The following PEAK1 variants were observed in gnomAD, a reference collection of about 807,000 sequenced individuals.
PEAK1 encodes the protein pseudopodium enriched atypical kinase 1, also known as inactive tyrosine-protein kinase PEAK1.
In PEAK1, 54 loss-of-function variants were observed where a neutral mutation model predicts 124.7. The ratio of observed to expected loss-of-function variants is 0.43; its 90% CI spans 0.35 to 0.54. The LOEUF is 0.54. PEAK1 is among the 20% of genes least tolerant of loss of function. The probability of loss-of-function intolerance (pLI) is 0.01; values close to 1 mark genes in which losing one functional copy is unlikely to be tolerated. For synonymous variants in PEAK1, 719 were observed against 760.0 expected (o/e 0.95, Z 0.89); for missense variants, 2,046 against 2,134.5 (o/e 0.96, Z 0.82).
chr15:77,356,532 T>G (rs1454885630), intron 2 of PEAK1, among the ~76,000 whole-genome samples: 2 of 152,214 alleles, frequency 1.3e-5, no homozygotes, highest in African/African-American at 4.8e-5. Context: ...TAGAATATCT[T>G]GCATACGCAT....
chr15:77,395,797 C>T (rs1420678915), intron 1 of PEAK1, among the ~76,000 whole-genome samples: 2 of 152,028 alleles, frequency 1.3e-5, no homozygotes, highest in African/African-American at 2.4e-5. Context: ...CAACAACAGA[C>T]CCCTTCTATG....
chr15:77,254,728 C>T (rs571593297), intron 5 of PEAK1, among the ~76,000 whole-genome samples: 4 of 152,238 alleles, frequency 2.6e-5, no homozygotes, highest in East Asian at 1.9e-4. Context: ...CCACCATGCC[C>T]GCTGACATAC....
intron 6 of PEAK1, among the ~76,000 whole-genome samples, chr15:77,210,512 A>G (rs973543276): frequency 1.3e-5 from 2 of 152,254 alleles, no homozygotes; most frequent in Non-Finnish European, 2.9e-5. Context: ...CTTTTAAACC[A>G]GAAAACTTTT....
intron 6 of PEAK1, among the ~76,000 whole-genome samples, chr15:77,214,916 A>C (rs1158770733): frequency 6.6e-6 from 1 of 152,170 alleles, no homozygotes; most frequent in African/African-American, 2.4e-5. Flanking sequence ...ACTGGGAATT[A>C]CAATTCGACA....
At chr15:77,198,227 T>G (rs1368761853) in intron 6 of PEAK1, among the ~76,000 whole-genome samples, 1 of 152,240 alleles carries the variant, frequency 6.6e-6, no homozygotes, top group Non-Finnish European at 1.5e-5. Flanking sequence ...GGCCATGCGA[T>G]GCTAATCATC....
intron 1 of PEAK1, among the ~76,000 whole-genome samples, chr15:77,383,019 CTTTTTTTTTTT>C (rs752564656): frequency 5.6e-4 from 73 of 130,414 alleles, no homozygotes; most frequent in African/African-American, 2.0e-3. Context: ...TTTGTATCTC[CTTTTTTTTTTT>C]TTTTTTTTTT....
chr15:77,405,632 C>T (rs1409115916), intron 1 of PEAK1, among the ~76,000 whole-genome samples: 2 of 152,078 alleles, frequency 1.3e-5, no homozygotes, highest in African/African-American at 4.8e-5. Flanking sequence ...AAAATCCAGA[C>T]GCTGAAGGCC....
chr15:77,417,430 G>T, intron 1 of PEAK1: 1 of 943,536 alleles, frequency 1.1e-6, no homozygotes, highest in Non-Finnish European at 1.3e-6. Context: ...AAAGGACTAG[G>T]AAGGAGAGTG....
intron 9 of PEAK1, among the ~76,000 whole-genome samples, chr15:77,120,601 C>T (rs776894539): frequency 6.6e-6 from 1 of 152,200 alleles, no homozygotes; most frequent in Non-Finnish European, 1.5e-5. Context: ...CTACCTTCAT[C>T]ACTTGCCTGG....
intron 1 of PEAK1, among the ~76,000 whole-genome samples, chr15:77,366,767 A>T (rs2068270233): frequency 6.6e-6 from 1 of 152,202 alleles, no homozygotes; most frequent in South Asian, 2.1e-4. Context: ...CATGTTGTCC[A>T]CGAAGACTGG....
intron 2 of PEAK1, among the ~76,000 whole-genome samples, chr15:77,364,286 A>G (rs1272148063): frequency 6.6e-6 from 1 of 152,252 alleles, no homozygotes; most frequent in Non-Finnish European, 1.5e-5. Context: ...ATTGAATTTT[A>G]CACTTTAAAT....
At chr15:77,163,266 TA>T (rs1469881751) in intron 7 of PEAK1, among the ~76,000 whole-genome samples, 1 of 152,206 alleles carries the variant, frequency 6.6e-6, no homozygotes, top group Non-Finnish European at 1.5e-5. Context: ...ACCTAATACT[TA>T]AAAAACCATG....
intron 2 of PEAK1, among the ~76,000 whole-genome samples, chr15:77,321,487 G>A (rs929234532): frequency 6.6e-6 from 1 of 152,084 alleles, no homozygotes; most frequent in Admixed American, 6.5e-5. Flanking sequence ...CATATCCTTT[G>A]CCCACTTTTT....
chr15:77,227,658 A>G (rs540410926), intron 6 of PEAK1, among the ~76,000 whole-genome samples: 4 of 152,288 alleles, frequency 2.6e-5, no homozygotes, highest in African/African-American at 9.6e-5. Flanking sequence ...TAAATAAGAA[A>G]AAAGTCCTAT....
intron 6 of PEAK1, among the ~76,000 whole-genome samples, chr15:77,240,536 GC>G (rs1313055026): frequency 6.6e-6 from 1 of 151,782 alleles, no homozygotes; most frequent in Non-Finnish European, 1.5e-5. Context: ...GGGAGGACCT[GC>G]TTGAGCCCTG....
chr15:77,412,034 T>G (rs1008403252), intron 1 of PEAK1, among the ~76,000 whole-genome samples: 18 of 152,226 alleles, frequency 1.2e-4, no homozygotes, highest in Non-Finnish European at 5.9e-5. Flanking sequence ...CTTGGTATCT[T>G]GCAAATAATA....
intron 1 of PEAK1, chr15:77,418,967 C>G (rs952655424): frequency 2.4e-5 from 24 of 985,060 alleles, no homozygotes; most frequent in Non-Finnish European, 2.7e-5. Flanking sequence ...ATGTAAGTCT[C>G]TAAGTATTTA....
rs147813317 is a variant in PEAK1 at position 77,222,317 on chromosome 15, AAC to A, written c.-115+30048_-115+30049del. On this transcript the variant is annotated intron_variant, in intron 6 of 9. Transcript: ENST00000682557. The stretch of plus-strand genomic sequence containing the variant: ...GAAATGCCTCACACTGAGAAAATTA[AAC>A]AGTTTTTAATGCTTGTTTCATTCCA... 7.3e-3 allele frequency among the ~76,000 whole-genome samples: 1,114 copies of A among 152,196 alleles called. 15 individuals are homozygous for A. The highest frequency in any genetic ancestry group is 0.025 in the African/African-American group (1,055 of 41,554).
chr15:77,371,695 C>T (rs1189267902), intron 1 of PEAK1, among the ~76,000 whole-genome samples: 1 of 152,190 alleles, frequency 6.6e-6, no homozygotes, highest in Non-Finnish European at 1.5e-5. Flanking sequence ...CAAGACCAGT[C>T]TGGCCAACAT....
Sources: gnomAD v4.1 joint callset for allele counts (sites outside exome capture counted in the v4.1 genomes callset) on GRCh38, gnomAD v4.1.1 for gene constraint, MANE v1.5 for transcripts, NCBI Gene and HGNC (gene_info 2026-07-23, HGNC 2026-07-21) for gene names.